STAT2: variants seen among roughly 807,000 people sequenced by gnomAD.
STAT2 encodes the protein interferon alpha induced transcriptional activator.
A neutral mutation model predicts 122.3 loss-of-function variants in STAT2; 51 were observed. That is an observed-to-expected ratio of 0.42 (90% confidence interval 0.33 to 0.53). STAT2 has a LOEUF of 0.53. Ranked by LOEUF, STAT2 falls within the 20% of genes least tolerant of loss-of-function variation. The probability of loss-of-function intolerance (pLI) is 0.10; values close to 1 mark genes in which losing one functional copy is unlikely to be tolerated. For synonymous variants in STAT2, 351 were observed against 394.9 expected, an observed-to-expected ratio of 0.89 and a Z score of 1.32; for missense variants, 736 against 1,010.3, an observed-to-expected ratio of 0.73 and a Z score of 3.68.
chr12:56,356,021 C>T (rs1879456435), intron 3 of STAT2, 111 bp downstream of exon 3: 2 of 1,469,378 alleles, frequency 1.4e-6, no homozygotes, highest in Non-Finnish European at 1.8e-6. Flanking sequence ...CCTTTCCCCA[C>T]ATTTGTTCCC....
intron 8 of STAT2, 130 bp from the exon 9 acceptor site, chr12:56,351,580 G>A (rs1182582054): frequency 2.0e-6 from 2 of 978,398 alleles, no homozygotes; most frequent in East Asian, 2.5e-5. Flanking sequence ...AAGAATCCAG[G>A]AAGCATATAA....
intron 6 of STAT2, 72 bp downstream of exon 6, chr12:56,355,204 C>A (rs762084900): frequency 6.4e-7 from 1 of 1,560,606 alleles, no homozygotes; most frequent in Non-Finnish European, 8.8e-7. Context: ...TCGGAGCTTT[C>A]TCCTGTTCAC....
rs1216367363 is a variant in STAT2, at chr12:56,343,839, G to C, written c.2399C>G (p.Thr800Ser). Residue 800 changes from threonine to serine, a missense_variant, in exon 23 of 24, where the codon ACT becomes AGT. Transcript: ENST00000314128. Reference sequence around the variant, plus strand: ...TCATCACTTACTTTCCATTGGCTCAGTGTTCAAATGTCTCAGATCACAGGG... The same window carrying C: ...TCATCACTTACTTTCCATTGGCTCACTGTTCAAATGTCTCAGATCACAGGG... ...DLPCDLRHLN[T>S]EPMEIFRNCV... 6.2e-7 allele frequency: 1 copy of C among 1,614,180 alleles called. No individual in the cohort carries two copies. Among genetic ancestry groups the C allele is most frequent in the South Asian group, 1.1e-5 (1 of 91,090 alleles).
intron 19 of STAT2, among the ~76,000 whole-genome samples, chr12:56,348,124 G>A (rs560375472): frequency 7.2e-4 from 97 of 135,532 alleles, no homozygotes; most frequent in African/African-American, 1.2e-3. Flanking sequence ...AGTCTTGCTC[G>A]TCACCCAGGC....
At chr12:56,351,223 GC>G (rs1315854478) in intron 9 of STAT2, 33 bp from the exon 10 acceptor site, 3 of 1,611,794 alleles carry the variant, frequency 1.9e-6, no homozygotes, top group Admixed American at 3.3e-5. Flanking sequence ...AGAATATATA[GC>G]TCAGTATCTG....
At chr12:56,354,010 A>ATATATATAT (rs1555171450) in intron 8 of STAT2, among the ~76,000 whole-genome samples, 5 of 19,616 alleles carry the variant, frequency 2.5e-4, no homozygotes, top group Non-Finnish European at 2.8e-4. Context: ...AAAAAAAAAA[A>ATATATATAT]AAAAAAATAT....
In STAT2 at chr12:56,343,260, G is replaced by A; in HGVS notation, c.*129C>T. 4 of 1,327,632 alleles carry A rather than the reference G, an allele frequency of 3.0e-6. No individual in the cohort carries two copies. The highest frequency in any genetic ancestry group is 4.1e-6 in the Non-Finnish European group (4 of 972,060). The allele number at this position is 1,327,632 out of a possible 1,614,324, so 82.2% of individuals were successfully genotyped here. A position where few individuals can be genotyped will look rare whatever the true frequency, so the allele number is the denominator to read the frequency against. On this transcript the variant is annotated 3_prime_UTR_variant, in exon 24 of 24. Transcript: ENST00000314128. ...CCTCTCACCCCAATGGAGTCACACA[G>A]GCCTGAGTTTGAACAGTTAACACAG...
At chr12:56,356,368 T>C in intron 2 of STAT2, 73 bp downstream of exon 2, 1 of 1,606,440 alleles carries the variant, frequency 6.2e-7, no homozygotes, top group South Asian at 1.1e-5. Flanking sequence ...CTGCCATTAA[T>C]GATTCCAGGA....
intron 1 of STAT2, among the ~76,000 whole-genome samples, chr12:56,357,492 C>A (rs571108379): frequency 1.0e-3 from 154 of 151,944 alleles, no homozygotes; most frequent in Non-Finnish European, 1.2e-3. Flanking sequence ...AGGCTCCCGC[C>A]ACCATGCCCG....
chr12:56,348,150 C>T (rs557601225), intron 19 of STAT2, among the ~76,000 whole-genome samples: 1 of 148,164 alleles, frequency 6.7e-6, no homozygotes, highest in African/African-American at 2.5e-5. Flanking sequence ...GGCAGTGACG[C>T]AATCTCGGCT....
In STAT2 at chr12:56,343,202, T is replaced by G. The variant is rs966668361; in HGVS notation, c.*187A>C. The G allele has an allele frequency of 8.5e-6, 6 of 707,932 alleles. No homozygotes were observed. The highest frequency in any genetic ancestry group is 1.3e-5 in the Non-Finnish European group (6 of 450,116). The allele number at this position is 707,932 out of a possible 1,614,324, so 43.9% of individuals were successfully genotyped here. The stretch of plus-strand genomic sequence containing the variant: ...TGGCTCAGCATCTGTTCTGATTCAT[T>G]GTTGTCCCCTCTGTACCCATGTTAT... On this transcript the variant is annotated 3_prime_UTR_variant, in exon 24 of 24. Coordinates refer to ENST00000314128, the MANE Select transcript of STAT2 (RefSeq NM_005419.4).
At position 56,348,835 on chromosome 12, in the gene STAT2, G is replaced by A. The variant is rs185883910; in HGVS notation, c.1577-31C>T. ...GGACAGATAGCCACAGACAGATGAT[G>A]AGGGAAGCCAGGGGTCCTGGGATAG... On this transcript the variant is annotated intron_variant, in intron 17 of 23. Coordinates refer to ENST00000314128, the MANE Select transcript of STAT2 (RefSeq NM_005419.4). The A allele has an allele frequency of 2.9e-5, 47 of 1,614,208 alleles. 1 individual carries two copies. In the East Asian group the frequency reaches 1.0e-3, roughly 34 times the overall value.
chr12:56,351,341 C>T lies in STAT2; in HGVS notation c.892G>A (p.Asp298Asn). 2 of 1,614,164 alleles carry T rather than the reference C, an allele frequency of 1.2e-6. No individual in the cohort carries two copies. Among genetic ancestry groups the T allele is most frequent in the Non-Finnish European group, 1.7e-6 (2 of 1,180,034 alleles). Residue 298 changes from aspartate to asparagine, a missense_variant, in exon 9 of 24, where the codon GAC becomes AAC. Transcript: ENST00000314128. ...TCTGTGACCTGGGCGTTGCGTAGGT[C>T]CACCCCTTTGGTCAGAGGGTCATCC... is the stretch of plus-strand genomic sequence containing the variant. ...YQDDPLTKGV[D>N]LRNAQVTELL...
rs1302874683 is a variant in STAT2, at chr12:56,348,632, G to A, written c.1630-9C>T. The A allele has an allele frequency of 3.1e-6, 5 of 1,614,040 alleles. No homozygotes were observed. The highest frequency in any genetic ancestry group is 4.2e-6 in the Non-Finnish European group (5 of 1,180,050). ...CCAGGAGGGCTCTCTCGCTGGAGGA[G>A]GAATGGAAAGGTAGCAAAAGCTGAG... On this transcript the variant is annotated splice_polypyrimidine_tract_variant and intron_variant, in intron 18 of 23. Coordinates refer to ENST00000314128, the MANE Select transcript of STAT2 (RefSeq NM_005419.4).
At chr12:56,357,645 G>A (rs573866783) in intron 1 of STAT2, among the ~76,000 whole-genome samples, 1 of 151,892 alleles carries the variant, frequency 6.6e-6, no homozygotes, top group African/African-American at 2.4e-5. Context: ...GTGCCCAGCC[G>A]GCCCCAACCT....
Position 56,355,811 on chromosome 12 carries a change from A to G in STAT2, c.286-8T>C. ...AGGATCCTGGGAAAAGGGCTAGAAT[A>G]GGTAAACAGAAAGGATTGATCCAAT... On this transcript the variant is annotated splice_polypyrimidine_tract_variant and splice_region_variant and intron_variant, in intron 3 of 23. Coordinates refer to ENST00000314128, the MANE Select transcript of STAT2 (RefSeq NM_005419.4). The G allele has an allele frequency of 6.2e-7, 1 of 1,612,326 alleles. No homozygotes were observed. Among genetic ancestry groups the G allele is most frequent in the East Asian group, 2.2e-5 (1 of 44,878 alleles).
In STAT2 at chr12:56,346,220, C is replaced by A; in HGVS notation, c.2045-17G>T. The A allele has an allele frequency of 6.2e-7, 1 of 1,613,582 alleles. No homozygotes were observed. The highest frequency in any genetic ancestry group is 8.5e-7 in the Non-Finnish European group (1 of 1,179,636). On this transcript the variant is annotated splice_polypyrimidine_tract_variant and intron_variant, in intron 21 of 23. Transcript: ENST00000314128. ...GGAGATTAACTGTGAGGAACATATA[C>A]AAGAAGCAGAGAAGATCAGTGGGCC... is the stretch of plus-strand genomic sequence containing the variant.
At chr12:56,348,343 T>C (rs1164948634) in intron 19 of STAT2, among the ~76,000 whole-genome samples, 186 bp downstream of exon 19, 2 of 152,132 alleles carry the variant, frequency 1.3e-5, no homozygotes, top group Non-Finnish European at 2.9e-5. Flanking sequence ...CGCCTCGGCC[T>C]CCCAAAGTGC....
At chr12:56,343,670 G>T in intron 23 of STAT2, 139 bp from the exon 24 acceptor site, 2 of 1,516,328 alleles carry the variant, frequency 1.3e-6, no homozygotes, top group Non-Finnish European at 1.8e-6. Flanking sequence ...GCAGGGAGGT[G>T]GGGGAAGGCA....
Sources: gnomAD v4.1 joint callset for allele counts (sites outside exome capture counted in the v4.1 genomes callset) on GRCh38, gnomAD v4.1.1 for gene constraint, MANE v1.5 for transcripts, NCBI Gene and HGNC (gene_info 2026-07-23, HGNC 2026-07-21) for gene names.